Variants in TMEM196 observed in about 807,000 individuals in gnomAD.
The protein encoded by TMEM196 is transmembrane protein 196.
A neutral mutation model predicts 20.0 loss-of-function variants in TMEM196; 17 were observed. The observed-to-expected ratio is 0.85, with a 90% CI of 0.58 to 1.27. TMEM196 has a LOEUF of 1.27. TMEM196 is among the 50% of genes most tolerant of loss of function. TMEM196 has a pLI of 0.00. For missense variants in TMEM196, 267 were observed against 223.0 expected, an observed-to-expected ratio of 1.20 and a Z score of -1.26; for synonymous variants, 113 against 88.9, an observed-to-expected ratio of 1.27 and a Z score of -1.52.
At position 19,772,796 on chromosome 7, in the gene TMEM196, C is replaced by T. The variant is rs1427628094; in HGVS notation, c.-100G>A. The stretch of plus-strand genomic sequence containing the variant: ...TTACCCCTTCCACCCCCTACCAGAT[C>T]CCAAAACTTTTCTTTCTTCAAGAGC... On this transcript the variant is annotated 5_prime_UTR_variant, in exon 1 of 5. Coordinates refer to ENST00000405844, the MANE Select transcript of TMEM196 (RefSeq NM_001363562.2). 1 of 1,182,966 alleles carries T rather than the reference C, an allele frequency of 8.5e-7. No homozygotes were observed. The highest frequency in any genetic ancestry group is 3.1e-5 in the East Asian group (1 of 32,236). The allele number at this position is 1,182,966 out of a possible 1,614,324, so 73.3% of individuals were successfully genotyped here.
chr7:19,745,683 C>G (rs1017749418), intron 1 of TMEM196, among the ~76,000 whole-genome samples: 1 of 148,640 alleles, frequency 6.7e-6, no homozygotes, highest in East Asian at 2.0e-4. Flanking sequence ...GAATCTTCTT[C>G]CTGGTGCATA....
intron 1 of TMEM196, among the ~76,000 whole-genome samples, chr7:19,752,858 C>G (rs553675592): frequency 2.3e-4 from 35 of 152,174 alleles, no homozygotes; most frequent in African/African-American, 8.4e-4. Flanking sequence ...CGTGATCCAC[C>G]TGCCTCAGCC....
At chr7:19,756,651 A>C (rs1785224545) in intron 1 of TMEM196, among the ~76,000 whole-genome samples, 1 of 141,176 alleles carries the variant, frequency 7.1e-6, no homozygotes, top group Non-Finnish European at 1.6e-5. Context: ...TCTTATTAAA[A>C]GTTCTTATTG....
intron 1 of TMEM196, among the ~76,000 whole-genome samples, chr7:19,770,019 A>G (rs1417238674): frequency 1.3e-5 from 2 of 152,158 alleles, no homozygotes; most frequent in Admixed American, 6.6e-5. Context: ...AGTAAGTGGT[A>G]GATCTGGGAT....
At chr7:19,736,627 G>A (rs182972119) in intron 1 of TMEM196, among the ~76,000 whole-genome samples, 1 of 151,716 alleles carries the variant, frequency 6.6e-6, no homozygotes, top group Non-Finnish European at 1.5e-5. Flanking sequence ...ATCACATGCA[G>A]TGTTTTCAGC....
intron 4 of TMEM196, among the ~76,000 whole-genome samples, chr7:19,722,554 C>G (rs1264095445): frequency 2.0e-5 from 3 of 152,196 alleles, no homozygotes; most frequent in South Asian, 4.1e-4. Context: ...AAATGTGTGG[C>G]CTTTTTGCTA....
chr7:19,745,962 T>A (rs1784736969), intron 1 of TMEM196, among the ~76,000 whole-genome samples: 2 of 152,134 alleles, frequency 1.3e-5, no homozygotes, highest in Admixed American at 1.3e-4. Flanking sequence ...TTTAAAGTGC[T>A]AAGTCATAAA....
chr7:19,748,340 T>G (rs1784841624), intron 1 of TMEM196, among the ~76,000 whole-genome samples: 1 of 144,278 alleles, frequency 6.9e-6, no homozygotes. Flanking sequence ...CAAACCAGAA[T>G]TAGAAGAGAC....
intron 1 of TMEM196, among the ~76,000 whole-genome samples, chr7:19,747,306 A>G (rs1784795150): frequency 1.3e-5 from 2 of 151,792 alleles, no homozygotes; most frequent in South Asian, 2.1e-4. Context: ...AAATAAAAAA[A>G]AGAAAATCCC....
intron 1 of TMEM196, among the ~76,000 whole-genome samples, chr7:19,761,153 T>A (rs1025938700): frequency 2.0e-5 from 3 of 152,342 alleles, no homozygotes; most frequent in East Asian, 3.9e-4. Context: ...CTCAGTGGTC[T>A]TGGCTTTCAG....
intron 1 of TMEM196, among the ~76,000 whole-genome samples, chr7:19,751,440 T>A (rs1029633082): frequency 1.3e-5 from 2 of 152,238 alleles, no homozygotes; most frequent in African/African-American, 4.8e-5. Flanking sequence ...GTACAGACTT[T>A]GGAGTCAGAC....
intron 1 of TMEM196, among the ~76,000 whole-genome samples, chr7:19,736,354 TATATATATATATATATA>T (rs1784402707): frequency 1.5e-4 from 13 of 88,046 alleles, no homozygotes; most frequent in African/African-American, 3.4e-4. Context: ...TGGTTCCTAC[TATATATATATATATATA>T]TATATATATA....
chr7:19,756,516 C>T (rs1202509294), intron 1 of TMEM196, among the ~76,000 whole-genome samples: 5 of 152,024 alleles, frequency 3.3e-5, no homozygotes, highest in Non-Finnish European at 1.5e-5. Context: ...CCTCTCCCTC[C>T]TCCCATCGTC....
intron 4 of TMEM196, among the ~76,000 whole-genome samples, chr7:19,723,594 A>C (rs543498576): frequency 1.3e-5 from 2 of 152,292 alleles, no homozygotes; most frequent in African/African-American, 4.8e-5. Context: ...AGTTTGCAAA[A>C]AAATTTGCAA....
intron 1 of TMEM196, among the ~76,000 whole-genome samples, chr7:19,733,350 T>G (rs1409447306): frequency 6.6e-6 from 1 of 152,172 alleles, no homozygotes; most frequent in East Asian, 1.9e-4. Context: ...AAATGATATT[T>G]TAGAGCCCAT....
chr7:19,735,019 C>T (rs929594513), intron 1 of TMEM196, among the ~76,000 whole-genome samples: 4 of 152,058 alleles, frequency 2.6e-5, no homozygotes, highest in East Asian at 3.9e-4. Flanking sequence ...ATACCCCAGG[C>T]GGTTTTGGCA....
At chr7:19,763,736 A>G (rs1290364076) in intron 1 of TMEM196, among the ~76,000 whole-genome samples, 1 of 152,168 alleles carries the variant, frequency 6.6e-6, no homozygotes, top group African/African-American at 2.4e-5. Flanking sequence ...ATTTTCCAGA[A>G]AAATGACAAA....
chr7:19,725,391 T>C (rs1315336094), intron 3 of TMEM196, 123 bp downstream of exon 3: 4 of 1,301,070 alleles, frequency 3.1e-6, no homozygotes, highest in African/African-American at 2.9e-5. Context: ...CTTAACCCAA[T>C]AGAGCCAAAT....
chr7:19,752,621 C>A (rs1785032124), intron 1 of TMEM196, among the ~76,000 whole-genome samples: 2 of 150,212 alleles, frequency 1.3e-5, no homozygotes, highest in Non-Finnish European at 3.0e-5. Flanking sequence ...TTCTTTCTTT[C>A]TTTCTTTTTT....
Sources: gnomAD v4.1 joint callset for allele counts (sites outside exome capture counted in the v4.1 genomes callset) on GRCh38, gnomAD v4.1.1 for gene constraint, MANE v1.5 for transcripts, NCBI Gene and HGNC (gene_info 2026-07-23, HGNC 2026-07-21) for gene names.